The following RCAN1 variants were observed in gnomAD, a reference collection of about 807,000 sequenced individuals.
The protein encoded by RCAN1 is calcipressin-1.
RCAN1 carries 11 observed loss-of-function variants against 22.9 expected under a neutral mutation model. The ratio of observed to expected loss-of-function variants is 0.48; its 90% confidence interval spans 0.30 to 0.79. The LOEUF (loss-of-function observed/expected upper bound fraction) is 0.79, where lower values mean the gene tolerates loss of function less well. RCAN1 is among the 30% of genes least tolerant of loss of function. The pLI is 0.06. For missense variants in RCAN1, 291 were observed against 337.8 expected (o/e 0.86, Z 1.09); for synonymous variants, 136 against 142.3 (o/e 0.96, Z 0.32).
intron 1 of RCAN1, chr21:34,613,692 A>G (rs1988739001): frequency 7.3e-6 from 10 of 1,377,906 alleles, no homozygotes; most frequent in African/African-American, 1.5e-5. Context: ...TTGCTGCTCT[A>G]GAAAGCATGC....
At chr21:34,607,686 T>C (rs113507967) in intron 1 of RCAN1, among the ~76,000 whole-genome samples, 1 of 150,448 alleles carries the variant, frequency 6.6e-6, no homozygotes, top group Non-Finnish European at 1.5e-5. Context: ...AATCTTAATA[T>C]GCATTTCTAA....
intron 1 of RCAN1, among the ~76,000 whole-genome samples, chr21:34,536,583 T>A (rs1325097423): frequency 6.6e-6 from 1 of 152,184 alleles, no homozygotes; most frequent in Non-Finnish European, 1.5e-5. Flanking sequence ...AACCTTTTCC[T>A]TCCGCTGCAG....
intron 1 of RCAN1, among the ~76,000 whole-genome samples, chr21:34,571,333 GTTTAAA>G (rs1987227982): frequency 6.6e-6 from 1 of 152,096 alleles, no homozygotes; most frequent in African/African-American, 2.4e-5. Flanking sequence ...AATGTAACAT[GTTTAAA>G]TTTGTCACAT....
chr21:34,582,435 C>G (rs910095461), intron 1 of RCAN1, among the ~76,000 whole-genome samples: 49 of 152,030 alleles, frequency 3.2e-4, no homozygotes, highest in African/African-American at 1.2e-3. Context: ...GAGGAAGGAG[C>G]ATCTGGGCAG....
intron 1 of RCAN1, among the ~76,000 whole-genome samples, chr21:34,563,766 AAAAAAT>A (rs1157848099): frequency 1.4e-4 from 13 of 93,428 alleles, no homozygotes; most frequent in African/African-American, 5.0e-4. Flanking sequence ...AAAAAAAAAA[AAAAAAT>A]ATATATATAT....
chr21:34,518,044 CGTGA>C lies in RCAN1; in HGVS notation c.*36_*39del, dbSNP rs754357693. 1.3e-5 allele frequency: 21 copies of C among 1,607,736 alleles called. No homozygotes were observed. Among genetic ancestry groups the C allele is most frequent in the South Asian group, 5.5e-5 (5 of 90,160 alleles). Reference sequence around the variant, plus strand: ...CACCTCCACAGTAAAAGATTCCTCCCGTGAGTATGATTTGGAATGCGTCCTCGTC... The same window carrying C: ...CACCTCCACAGTAAAAGATTCCTCCCGTATGATTTGGAATGCGTCCTCGTC... On this transcript the variant is annotated 3_prime_UTR_variant, in exon 4 of 4. Transcript: ENST00000313806. This position sits in a 1 kb window ranked among gnomAD's most constrained non-coding sequence, Gnocchi z 4.2.
chr21:34,563,790 T>TAGAGAGAG (rs1317228429), intron 1 of RCAN1, among the ~76,000 whole-genome samples: 1,483 of 84,046 alleles, frequency 0.018, 12 homozygotes, highest in Non-Finnish European at 0.028. Context: ...TATATATATA[T>TAGAGAGAG]ATATAGAGAG....
rs976852519 is a variant in RCAN1 at position 34,517,743 on chromosome 21, C to G, written c.*341G>C. 4.1e-6 allele frequency: 1 copy of G among 241,598 alleles called. No individual in the cohort carries two copies. Among genetic ancestry groups the G allele is most frequent in the African/African-American group, 2.3e-5 (1 of 44,352 alleles). 15.0% of individuals were successfully genotyped at this position (241,598 alleles called of 1,614,324 possible). A position where few individuals can be genotyped will look rare whatever the true frequency, so the allele number is the denominator to read the frequency against. ...GAAACAGGAAGCTCTCTCCTGAGCT[C>G]ACTGATCAACCTGCCCTTGGCACAG... On this transcript the variant is annotated 3_prime_UTR_variant, in exon 4 of 4. Coordinates refer to ENST00000313806, the MANE Select transcript of RCAN1 (RefSeq NM_004414.7).
intron 3 of RCAN1, chr21:34,521,076 G>A: frequency 8.1e-7 from 1 of 1,239,236 alleles, no homozygotes; most frequent in South Asian, 3.2e-5. Flanking sequence ...GAGAATCACA[G>A]GAAAGGGAGA....
chr21:34,602,653 C>T (rs904777937), intron 1 of RCAN1, among the ~76,000 whole-genome samples: 1 of 152,184 alleles, frequency 6.6e-6, no homozygotes, highest in Non-Finnish European at 1.5e-5. Flanking sequence ...CAGCCCAGAA[C>T]ACTGTCACTA....
intron 1 of RCAN1, among the ~76,000 whole-genome samples, chr21:34,566,019 T>C (rs571722806): frequency 7.9e-5 from 12 of 152,294 alleles, no homozygotes. Context: ...GCTACGTCTC[T>C]GGAATGTACT....
chr21:34,580,418 G>A (rs1020099389), intron 1 of RCAN1, among the ~76,000 whole-genome samples: 9 of 152,218 alleles, frequency 5.9e-5, no homozygotes, highest in African/African-American at 2.2e-4. Flanking sequence ...TGGAAAGTAT[G>A]AATCCAGGCT....
intron 1 of RCAN1, among the ~76,000 whole-genome samples, chr21:34,574,622 C>T (rs1987347721): frequency 6.6e-6 from 1 of 152,146 alleles, no homozygotes; most frequent in African/African-American, 2.4e-5. Flanking sequence ...TGATAAAGCA[C>T]ACAATGCGTC....
intron 1 of RCAN1, among the ~76,000 whole-genome samples, chr21:34,598,283 A>C (rs1988228521): frequency 6.6e-6 from 1 of 152,248 alleles, no homozygotes; most frequent in South Asian, 2.1e-4. Flanking sequence ...AAAAAAGAAT[A>C]GGACAATTCA....
At chr21:34,600,307 A>T (rs1988289748) in intron 1 of RCAN1, among the ~76,000 whole-genome samples, 1 of 152,206 alleles carries the variant, frequency 6.6e-6, no homozygotes, top group African/African-American at 2.4e-5. Flanking sequence ...CAGAGATAGG[A>T]ACCATCACAA....
At chr21:34,548,254 G>T (rs1438770233) in intron 1 of RCAN1, among the ~76,000 whole-genome samples, 1 of 152,156 alleles carries the variant, frequency 6.6e-6, no homozygotes, top group Non-Finnish European at 1.5e-5. Flanking sequence ...TCTTTGAGAA[G>T]AACTGAATTT....
chr21:34,555,583 T>TA lies in RCAN1; in HGVS notation c.253-31874dup, dbSNP rs994033423. On this transcript the variant is annotated intron_variant, in intron 1 of 3. Coordinates refer to ENST00000313806, the MANE Select transcript of RCAN1 (RefSeq NM_004414.7). ...CAAGGCTGTGTCTCAAAAAAAAAAA[T>TA]AAATAAAATAATAATAATAATAAAA... Among the ~76,000 whole-genome samples, 326 of 133,106 alleles carry TA rather than the reference T, an allele frequency of 2.4e-3. 1 individual carries two copies. The highest frequency in any genetic ancestry group is 9.8e-3 in the African/African-American group (318 of 32,374). 87.3% of individuals were successfully genotyped at this position (133,106 alleles called of 152,430 possible).
intron 1 of RCAN1, among the ~76,000 whole-genome samples, chr21:34,601,597 T>C (rs2123725607): frequency 6.6e-6 from 1 of 152,244 alleles, no homozygotes; most frequent in South Asian, 2.1e-4. Context: ...GGTGGGCGGA[T>C]CACGAGGTCA....
At chr21:34,575,557 C>G (rs1388665119) in intron 1 of RCAN1, among the ~76,000 whole-genome samples, 4 of 152,224 alleles carry the variant, frequency 2.6e-5, no homozygotes, top group Admixed American at 6.5e-5. Flanking sequence ...AGCTCTCACT[C>G]TGTCACCCAG....
Sources: gnomAD v4.1 joint callset for allele counts (sites outside exome capture counted in the v4.1 genomes callset) on GRCh38, gnomAD v4.1.1 for gene constraint, Gnocchi (gnomAD v3.1) non-coding constraint, MANE v1.5 for transcripts, NCBI Gene and HGNC (gene_info 2026-07-23, HGNC 2026-07-21) for gene names.